The following ZFHX3 variants were observed in gnomAD, a reference collection of about 807,000 sequenced individuals.
ZFHX3 encodes the protein zinc finger homeobox protein 3.
ZFHX3 carries 42 observed loss-of-function variants against 279.1 expected under a neutral mutation model. The observed-to-expected ratio is 0.15, with a 90% confidence interval of 0.12 to 0.19. The LOEUF (loss-of-function observed/expected upper bound fraction) is 0.19, where lower values mean the gene tolerates loss of function less well. ZFHX3 is among the 10% of genes least tolerant of loss of function. The pLI, the probability that ZFHX3 is intolerant of heterozygous loss-of-function variation, is 1.00. For missense variants in ZFHX3, 4,981 were observed against 4,754.0 expected (o/e 1.05, Z -1.40); for synonymous variants, 2,293 against 1,957.8 (o/e 1.17, Z -4.52).
intron 2 of ZFHX3, among the ~76,000 whole-genome samples, chr16:73,582,441 G>GAA (rs147901655): frequency 4.7e-5 from 7 of 149,350 alleles, no homozygotes; most frequent in African/African-American, 1.5e-4. Context: ...TAGGAAGACA[G>GAA]AAAAAAAAAA....
At chr16:73,855,459 C>T (rs116279983) in intron 1 of ZFHX3, among the ~76,000 whole-genome samples, 1,834 of 152,212 alleles carry the variant, frequency 0.012, 30 homozygotes, top group African/African-American at 0.042. Context: ...TGGGCAGCCC[C>T]CAGAGCAGCT....
chr16:73,703,743 A>G (rs1452352768), intron 1 of ZFHX3, among the ~76,000 whole-genome samples: 1 of 152,230 alleles, frequency 6.6e-6, no homozygotes, highest in East Asian at 1.9e-4. Flanking sequence ...TAAGGTGGAC[A>G]CACAGGTAGA....
intron 5 of ZFHX3, among the ~76,000 whole-genome samples, chr16:73,210,425 T>TA (rs537799998): frequency 1.3e-5 from 2 of 151,922 alleles, no homozygotes; most frequent in African/African-American, 2.4e-5. Context: ...ATTTTGGGGG[T>TA]AAAAAAAATC....
intron 1 of ZFHX3, among the ~76,000 whole-genome samples, chr16:73,756,462 C>T (rs967185747): frequency 1.3e-4 from 20 of 152,140 alleles, no homozygotes; most frequent in African/African-American, 4.8e-4. Context: ...ACGACATGAG[C>T]TTGCGTCTGT....
At chr16:73,679,121 G>A (rs1288575989) in intron 2 of ZFHX3, among the ~76,000 whole-genome samples, 1 of 115,544 alleles carries the variant, frequency 8.7e-6, no homozygotes, top group African/African-American at 2.8e-5. Flanking sequence ...TCCCTCCAGA[G>A]GGGCTTATTT....
intron 3 of ZFHX3, among the ~76,000 whole-genome samples, chr16:73,361,590 C>T (rs1371691956): frequency 6.6e-6 from 1 of 152,200 alleles, no homozygotes; most frequent in African/African-American, 2.4e-5. Flanking sequence ...ATAGGAATCT[C>T]TTCATTTTTA....
At chr16:72,990,498 G>T (rs1161290531) in intron 1 of ZFHX3, among the ~76,000 whole-genome samples, 2 of 152,122 alleles carry the variant, frequency 1.3e-5, no homozygotes, top group African/African-American at 4.8e-5. Flanking sequence ...TCCCAGCCAC[G>T]GATGGGACAA....
chr16:73,627,651 G>T (rs1199747273), intron 2 of ZFHX3, among the ~76,000 whole-genome samples: 1 of 152,238 alleles, frequency 6.6e-6, no homozygotes, highest in African/African-American at 2.4e-5. Context: ...GGGCGCAGTG[G>T]CTCACGCCTG....
At chr16:73,819,256 T>C (rs993065425) in intron 1 of ZFHX3, among the ~76,000 whole-genome samples, 3 of 151,658 alleles carry the variant, frequency 2.0e-5, no homozygotes, top group East Asian at 1.9e-4. Context: ...TTGGGCTGGA[T>C]AGTTCTTTGT....
chr16:73,138,624 C>A (rs1966833093), intron 6 of ZFHX3, among the ~76,000 whole-genome samples: 1 of 152,166 alleles, frequency 6.6e-6, no homozygotes, highest in South Asian at 2.1e-4. Context: ...GCAGTTGTTA[C>A]AGGTCACTAG....
chr16:73,403,206 A>G (rs1271311771), intron 3 of ZFHX3, among the ~76,000 whole-genome samples: 1 of 152,192 alleles, frequency 6.6e-6, no homozygotes, highest in African/African-American at 2.4e-5. Flanking sequence ...CGTTGCAGTA[A>G]TTGGTTTGTT....
intron 3 of ZFHX3, among the ~76,000 whole-genome samples, chr16:73,333,371 TAGACAG>T (rs1346071641): frequency 6.6e-6 from 1 of 151,908 alleles, no homozygotes; most frequent in Non-Finnish European, 1.5e-5. Flanking sequence ...AGACACATAA[TAGACAG>T]AAAGATACAT....
intron 4 of ZFHX3, among the ~76,000 whole-genome samples, chr16:73,281,424 A>T (rs1164992989): frequency 6.6e-6 from 1 of 152,238 alleles, no homozygotes; most frequent in Non-Finnish European, 1.5e-5. Flanking sequence ...TGAAAAGCAT[A>T]GAAGCAGAGA....
chr16:72,857,497 C>T lies in ZFHX3; in HGVS notation c.3449-27638G>A, dbSNP rs151180101. ...AGCCCAGGAGTTTGCCCAGCCTGTGCAACATAGCGAGACTTCATCTCTACA... is the reference window on the plus strand; with the variant it reads ...AGCCCAGGAGTTTGCCCAGCCTGTGTAACATAGCGAGACTTCATCTCTACA... On this transcript the variant is annotated intron_variant, in intron 4 of 9. Coordinates refer to ENST00000268489, the MANE Select transcript of ZFHX3 (RefSeq NM_006885.4). Among the ~76,000 whole-genome samples the T allele has an allele frequency of 6.3e-3, 957 of 152,262 alleles. 6 individuals are homozygous for T. The highest frequency in any genetic ancestry group is 0.011 in the Non-Finnish European group (762 of 68,020).
chr16:73,712,612 G>A (rs551319404), intron 1 of ZFHX3, among the ~76,000 whole-genome samples: 3 of 152,174 alleles, frequency 2.0e-5, no homozygotes, highest in African/African-American at 7.2e-5. Flanking sequence ...GCAAGGGCAG[G>A]TGGCCATGTC....
chr16:73,859,932 C>G (rs1484134287), intron 1 of ZFHX3, among the ~76,000 whole-genome samples: 1 of 152,104 alleles, frequency 6.6e-6, no homozygotes, highest in African/African-American at 2.4e-5. Context: ...GCAGCAGGGG[C>G]GGCCTGTAGA....
rs328397 is a variant in ZFHX3 at position 73,801,403 on chromosome 16, A to G, written c.-1608+90248T>C. 9.5e-3 allele frequency among the ~76,000 whole-genome samples: 1,449 copies of G among 152,314 alleles called. 25 individuals carry two copies. The highest frequency in any genetic ancestry group is 0.033 in the African/African-American group (1,361 of 41,568). ...TAGGAGGTGGGTTAAAGGGTTACAC[A>G]TGAAGGCGGTGTTCAATCCTTTCCT... is the stretch of plus-strand genomic sequence containing the variant. On this transcript the variant is annotated intron_variant, in intron 1 of 17. Coordinates refer to the ZFHX3 transcript ENST00000641206.
intron 7 of ZFHX3, chr16:72,809,926 C>G (rs1380263488): frequency 6.7e-6 from 1 of 148,190 alleles, no homozygotes; most frequent in African/African-American, 2.5e-5. Flanking sequence ...GTCACCCAGG[C>G]TGGAGTGCAG....
chr16:73,569,439 T>G (rs1488769688), intron 2 of ZFHX3, among the ~76,000 whole-genome samples: 1 of 151,808 alleles, frequency 6.6e-6, no homozygotes, highest in Non-Finnish European at 1.5e-5. Context: ...GAGATACCGA[T>G]GTTCCCATTA....
Sources: allele counts gnomAD v4.1 joint callset (sites outside exome capture counted in the v4.1 genomes callset), GRCh38; gene constraint gnomAD v4.1.1; transcripts MANE v1.5; gene names NCBI Gene and HGNC (gene_info 2026-07-23, HGNC 2026-07-21).